RBFOX3: variants seen among roughly 807,000 people sequenced by gnomAD.
RBFOX3 encodes the protein RNA binding protein fox-1 homolog 3.
A neutral mutation model predicts 48.7 loss-of-function variants in RBFOX3; 17 were observed. The observed-to-expected ratio is 0.35, with a 90% CI of 0.24 to 0.52. The LOEUF (loss-of-function observed/expected upper bound fraction) is 0.52. RBFOX3 is among the 20% of genes least tolerant of loss of function. The pLI, the probability that RBFOX3 is intolerant of heterozygous loss-of-function variation, is 0.94. For synonymous variants in RBFOX3, 212 were observed against 209.5 expected (o/e 1.01, Z -0.10); for missense variants, 382 against 497.5 (o/e 0.77, Z 2.21).
intron 3 of RBFOX3, among the ~76,000 whole-genome samples, chr17:79,237,175 A>G (rs2061730811): frequency 6.6e-6 from 1 of 152,194 alleles, no homozygotes; most frequent in Non-Finnish European, 1.5e-5. Context: ...TTTAAAACTT[A>G]GTGCAAAAAA....
intron 2 of RBFOX3, among the ~76,000 whole-genome samples, chr17:79,355,182 G>A (rs2084734665): frequency 6.6e-6 from 1 of 152,178 alleles, no homozygotes; most frequent in Non-Finnish European, 1.5e-5. Flanking sequence ...GCACTTGTGG[G>A]GTCGGGGGTC....
intron 2 of RBFOX3, among the ~76,000 whole-genome samples, chr17:79,340,993 C>G (rs140033804): frequency 1.3e-5 from 2 of 152,350 alleles, no homozygotes; most frequent in Non-Finnish European, 2.9e-5. Flanking sequence ...AAGTCAAGCT[C>G]TGGACTCAAA....
intron 3 of RBFOX3, among the ~76,000 whole-genome samples, chr17:79,267,614 C>T (rs1444918963): frequency 6.6e-6 from 1 of 152,172 alleles, no homozygotes; most frequent in Admixed American, 6.5e-5. Context: ...TTGTCTTGAA[C>T]TCCTGACCTC....
intron 2 of RBFOX3, among the ~76,000 whole-genome samples, chr17:79,428,614 G>A (rs939099344): frequency 3.9e-5 from 6 of 152,168 alleles, no homozygotes; most frequent in South Asian, 2.1e-4. Flanking sequence ...CGACAGCCTC[G>A]GGAGGCAGAG....
At chr17:79,625,566 C>T in the RBFOX3 span, among the ~76,000 whole-genome samples, 16 of 152,148 alleles carry the variant, frequency 1.1e-4, no homozygotes, top group East Asian at 9.7e-4. Flanking sequence ...TGAGTGGGGG[C>T]GGATCACCTG....
rs1288640081 is a variant in RBFOX3 at position 79,097,506 on chromosome 17, C to CCA, written c.623-83_623-82insTG. On this transcript the variant is annotated intron_variant, in intron 10 of 14. Transcript: ENST00000693108. Reference sequence around the variant, plus strand: ...CCCCCTCCCCGTACACCTAGCCCCCCCGCGCACCTAGCCCCCAACCCCTCC... The same window carrying CCA: ...CCCCCTCCCCGTACACCTAGCCCCCCCACGCGCACCTAGCCCCCAACCCCTCC... 1.7e-5 allele frequency: 24 copies of CCA among 1,435,992 alleles called. No individual in the cohort carries two copies. The African/African-American group carries it at 3.2e-4, about 19-fold the overall frequency. 89.0% of individuals were successfully genotyped at this position (1,435,992 alleles called of 1,614,324 possible). A position where few individuals can be genotyped will look rare whatever the true frequency, so the allele number is the denominator to read the frequency against.
chr17:79,389,060 A>G (rs2060974005), intron 2 of RBFOX3, among the ~76,000 whole-genome samples: 1 of 152,114 alleles, frequency 6.6e-6, no homozygotes, highest in Non-Finnish European at 1.5e-5. Context: ...CACACTGACC[A>G]TGAATGAGAA....
chr17:79,524,641 G>A (rs2086561016), intron 1 of RBFOX3, among the ~76,000 whole-genome samples: 1 of 152,148 alleles, frequency 6.6e-6, no homozygotes, highest in African/African-American at 2.4e-5. Flanking sequence ...CTGGGAGTGT[G>A]GAGCAGGCAC....
intron 4 of RBFOX3, among the ~76,000 whole-genome samples, chr17:79,124,484 T>C (rs1191276400): frequency 6.6e-6 from 1 of 152,236 alleles, no homozygotes; most frequent in African/African-American, 2.4e-5. Flanking sequence ...CCTTATACAC[T>C]AGAGGATTTC....
intron 1 of RBFOX3, among the ~76,000 whole-genome samples, chr17:79,559,626 T>A (rs2092048097): frequency 3.3e-5 from 1 of 30,446 alleles, no homozygotes; most frequent in Non-Finnish European, 1.0e-4. Flanking sequence ...GATGGATGGA[T>A]GGGTGGATGG....
At chr17:79,289,635 G>A (rs921415565) in intron 3 of RBFOX3, among the ~76,000 whole-genome samples, 1 of 152,242 alleles carries the variant, frequency 6.6e-6, no homozygotes, top group Non-Finnish European at 1.5e-5. Flanking sequence ...TCAGGGGACA[G>A]CCCTTTGGGG....
chr17:79,299,751 A>T lies in RBFOX3; in HGVS notation c.-74+7973T>A, dbSNP rs60881842. Among the ~76,000 whole-genome samples, 379 of 152,250 alleles carry T rather than the reference A, an allele frequency of 2.5e-3. 2 individuals are homozygous for T. Among genetic ancestry groups the T allele is most frequent in the African/African-American group, 8.3e-3 (345 of 41,548 alleles). On this transcript the variant is annotated intron_variant, in intron 3 of 14. Transcript: ENST00000693108. This position sits in a 1 kb window ranked among gnomAD's most constrained non-coding sequence, Gnocchi z 4.5. Reference sequence around the variant, plus strand: ...AAGTGACTGTTCTCCTGAAGAGGAGATTAGGACAGACGCAAACAGAGGGAT... The same window carrying T: ...AAGTGACTGTTCTCCTGAAGAGGAGTTTAGGACAGACGCAAACAGAGGGAT...
intron 4 of RBFOX3, among the ~76,000 whole-genome samples, chr17:79,228,913 A>G (rs2060649179): frequency 6.6e-6 from 1 of 152,096 alleles, no homozygotes; most frequent in Admixed American, 6.6e-5. Flanking sequence ...GGCAACTCTG[A>G]TATTGGAAAT....
chr17:79,534,355 G>A (rs565825269), intron 1 of RBFOX3, among the ~76,000 whole-genome samples: 46 of 152,314 alleles, frequency 3.0e-4, no homozygotes, highest in Admixed American at 7.2e-4. Context: ...TGCAGTCATC[G>A]GAACATTGTC....
At chr17:79,321,722 T>TA (rs1555668621) in intron 2 of RBFOX3, among the ~76,000 whole-genome samples, 3 of 150,702 alleles carry the variant, frequency 2.0e-5, no homozygotes, top group Admixed American at 6.6e-5. Flanking sequence ...TTTTTTTTTT[T>TA]ATAGACGGAG....
chr17:79,394,148 G>A (rs1053309227), intron 2 of RBFOX3, among the ~76,000 whole-genome samples: 33 of 152,050 alleles, frequency 2.2e-4, no homozygotes, highest in African/African-American at 5.6e-4. Context: ...GTTGGTCCCC[G>A]CGCACATCAT....
chr17:79,567,180 CTTTTTTT>C (rs1159762873), intron 1 of RBFOX3, among the ~76,000 whole-genome samples: 7 of 92,076 alleles, frequency 7.6e-5, no homozygotes, highest in Non-Finnish European at 1.2e-4. Flanking sequence ...TTCTTTCTTT[CTTTTTTT>C]TTTTTTTTTT....
intron 4 of RBFOX3, among the ~76,000 whole-genome samples, chr17:79,216,506 G>T (rs990715239): frequency 1.3e-5 from 2 of 152,152 alleles, no homozygotes; most frequent in Non-Finnish European, 2.9e-5. Context: ...AGGCCAGGGG[G>T]CAGGAGTGAG....
At chr17:79,328,786 G>A (rs1040706061) in intron 2 of RBFOX3, among the ~76,000 whole-genome samples, 4 of 152,322 alleles carry the variant, frequency 2.6e-5, no homozygotes, top group African/African-American at 4.8e-5. Context: ...ATGAATGGCC[G>A]TTTCCTGCAC....
Sources: gnomAD v4.1 joint callset for allele counts (sites outside exome capture counted in the v4.1 genomes callset) on GRCh38, gnomAD v4.1.1 for gene constraint, Gnocchi (gnomAD v3.1) non-coding constraint, MANE v1.5 for transcripts, NCBI Gene and HGNC (gene_info 2026-07-23, HGNC 2026-07-21) for gene names.